The following CAMK2B variants were observed in gnomAD, a reference collection of about 807,000 sequenced individuals.
The protein encoded by CAMK2B is calcium/calmodulin-dependent protein kinase type II subunit beta.
A neutral mutation model predicts 93.7 loss-of-function variants in CAMK2B; 27 were observed. That is an observed-to-expected ratio of 0.29 (90% confidence interval 0.21 to 0.40). The LOEUF (loss-of-function observed/expected upper bound fraction) is 0.40. Ranked by LOEUF, CAMK2B falls within the 10% of genes least tolerant of loss-of-function variation. The pLI is 1.00. For missense variants in CAMK2B, 568 were observed against 895.8 expected (o/e 0.63, Z 4.67); for synonymous variants, 374 against 358.8 (o/e 1.04, Z -0.48).
At chr7:44,289,822 A>G (rs2129134384) in intron 1 of CAMK2B, among the ~76,000 whole-genome samples, 1 of 152,360 alleles carries the variant, frequency 6.6e-6, no homozygotes, top group South Asian at 2.1e-4. Context: ...TGGGCCACGC[A>G]GGATCAAAGC....
chr7:44,284,332 A>G, intron 1 of CAMK2B, 107 bp from the exon 2 acceptor site: 1 of 816,412 alleles, frequency 1.2e-6, no homozygotes, highest in Non-Finnish European at 2.0e-6. Flanking sequence ...GCATTCAGCC[A>G]CCGGCCCGGC....
At chr7:44,276,281 T>C (rs2129072063) in intron 2 of CAMK2B, among the ~76,000 whole-genome samples, 1 of 152,174 alleles carries the variant, frequency 6.6e-6, no homozygotes, top group Non-Finnish European at 1.5e-5. Flanking sequence ...TGCGGCGCCT[T>C]GTCCTCTATT....
intron 1 of CAMK2B, among the ~76,000 whole-genome samples, chr7:44,306,103 G>A (rs2115687785): frequency 6.6e-6 from 1 of 152,148 alleles, no homozygotes; most frequent in Admixed American, 6.5e-5. Context: ...AACCACCTAG[G>A]GGCTGAAATT....
chr7:44,260,228 C>T (rs1267373634), intron 3 of CAMK2B, among the ~76,000 whole-genome samples: 2 of 152,206 alleles, frequency 1.3e-5, no homozygotes, highest in African/African-American at 2.4e-5. Context: ...CATGCTCCGG[C>T]GCTGTCCCAG....
intron 1 of CAMK2B, among the ~76,000 whole-genome samples, chr7:44,317,753 T>G (rs988905309): frequency 6.6e-6 from 1 of 151,998 alleles, no homozygotes; most frequent in Admixed American, 6.6e-5. Flanking sequence ...TTGGATGGGG[T>G]GGGCGGTGGG....
chr7:44,296,632 C>T (rs1412113053), intron 1 of CAMK2B, among the ~76,000 whole-genome samples: 1 of 151,928 alleles, frequency 6.6e-6, no homozygotes, highest in Non-Finnish European at 1.5e-5. Flanking sequence ...TATATCGGGT[C>T]GTATCACATT....
At chr7:44,254,352 G>GAGGTGGCC (rs2096811893) in intron 5 of CAMK2B, among the ~76,000 whole-genome samples, 190 bp downstream of exon 5, 1 of 152,228 alleles carries the variant, frequency 6.6e-6, no homozygotes. Flanking sequence ...GCGTGGAGGG[G>GAGGTGGCC]AGGTGGCCTC....
chr7:44,257,075 G>C (rs1157570443), intron 4 of CAMK2B, among the ~76,000 whole-genome samples: 1 of 152,190 alleles, frequency 6.6e-6, no homozygotes, highest in African/African-American at 2.4e-5. Flanking sequence ...GTGTGTGTGA[G>C]ACCCTCTACT....
chr7:44,280,819 C>T (rs951678893), intron 2 of CAMK2B, among the ~76,000 whole-genome samples: 28 of 152,122 alleles, frequency 1.8e-4, no homozygotes, highest in Non-Finnish European at 3.7e-4. Flanking sequence ...CAGGTCACAG[C>T]GGCAGCGCAA....
At chr7:44,292,649 C>A (rs1197128825) in intron 1 of CAMK2B, among the ~76,000 whole-genome samples, 1 of 152,178 alleles carries the variant, frequency 6.6e-6, no homozygotes, top group African/African-American at 2.4e-5. Flanking sequence ...GTACTGTGAA[C>A]CTCCAAGAAG....
intron 2 of CAMK2B, among the ~76,000 whole-genome samples, chr7:44,278,695 C>T (rs974059734): frequency 6.6e-6 from 1 of 152,234 alleles, no homozygotes; most frequent in African/African-American, 2.4e-5. Context: ...ACGGTCTCAG[C>T]AGACCGTCCA....
intron 18 of CAMK2B, 87 bp downstream of exon 18, chr7:44,229,301 G>T: frequency 1.2e-6 from 1 of 862,908 alleles, no homozygotes; most frequent in Non-Finnish European, 1.8e-6. Context: ...TCCACGCTCA[G>T]CCTGCCCTCG....
intron 20 of CAMK2B, among the ~76,000 whole-genome samples, chr7:44,222,179 C>T (rs2096416584): frequency 6.6e-6 from 1 of 152,200 alleles, no homozygotes; most frequent in South Asian, 2.1e-4. Flanking sequence ...CTCAAACCCC[C>T]AGAAGTGCAC....
intron 1 of CAMK2B, among the ~76,000 whole-genome samples, chr7:44,308,339 T>C (rs1477737281): frequency 6.6e-6 from 1 of 152,126 alleles, no homozygotes; most frequent in Non-Finnish European, 1.5e-5. Flanking sequence ...GGATGCCAGA[T>C]AGGAAGGCCC....
rs1049250250 is a variant in CAMK2B at position 44,325,532 on chromosome 7, G to C, written c.-111C>G. 1 of 539,808 alleles carries C rather than the reference G, an allele frequency of 1.9e-6. No homozygotes were observed. Among genetic ancestry groups the C allele is most frequent in the Non-Finnish European group, 2.3e-6 (1 of 426,070 alleles). The allele number at this position is 539,808 out of a possible 1,614,324, so 33.4% of individuals were successfully genotyped here. ...CGGGCGCGGGCGCGGGAGACACCTCGGCTCGCGGCGCCAGGCGGGGGCCGG... is the reference window on the plus strand; with the variant it reads ...CGGGCGCGGGCGCGGGAGACACCTCCGCTCGCGGCGCCAGGCGGGGGCCGG... On this transcript the variant is annotated 5_prime_UTR_variant, in exon 1 of 24. Coordinates refer to ENST00000395749, the MANE Select transcript of CAMK2B (RefSeq NM_001220.5).
rs1204498799 is a variant in CAMK2B at position 44,325,506 on chromosome 7, A to ACGGGCG, written c.-91_-86dup. ...TCCCGCTCGCGGGCACGGCGGCGAC[A>ACGGGCG]CGGGCGCGGGCGCGGGAGACACCTC... On this transcript the variant is annotated 5_prime_UTR_variant, in exon 1 of 24. Coordinates refer to ENST00000395749, the MANE Select transcript of CAMK2B (RefSeq NM_001220.5). The ACGGGCG allele has an allele frequency of 7.0e-6, 6 of 860,010 alleles. No individual in the cohort carries two copies. Among genetic ancestry groups the ACGGGCG allele is most frequent in the Admixed American group, 1.3e-4 (2 of 15,786 alleles). 53.3% of individuals were successfully genotyped at this position (860,010 alleles called of 1,614,324 possible).
At position 44,264,867 on chromosome 7, in the gene CAMK2B, C is replaced by T. The variant is rs145554455; in HGVS notation, c.161-1803G>A. Among the ~76,000 whole-genome samples, 83 of 152,244 alleles carry T rather than the reference C, an allele frequency of 5.5e-4. 1 individual carries two copies. The East Asian group carries it at 0.014, about 25-fold the overall frequency. On this transcript the variant is annotated intron_variant, in intron 2 of 23. Coordinates refer to ENST00000395749, the MANE Select transcript of CAMK2B (RefSeq NM_001220.5). ...AATAGAATACACATGGTGTGGGCTC[C>T]GTTTCCCTATCTGCATGGAGCTCAA... is the stretch of plus-strand genomic sequence containing the variant.
chr7:44,246,559 GCA>G (rs1310807007), intron 6 of CAMK2B, among the ~76,000 whole-genome samples: 18 of 152,098 alleles, frequency 1.2e-4, no homozygotes, highest in Admixed American at 3.3e-4. Context: ...ACTCATGCAT[GCA>G]CAGTCCCCAC....
chr7:44,222,400 C>T (rs1306270340), intron 20 of CAMK2B, among the ~76,000 whole-genome samples: 2 of 152,114 alleles, frequency 1.3e-5, no homozygotes, highest in African/African-American at 4.8e-5. Context: ...CGGCCACATA[C>T]ATGCAACCTG....
Sources: allele counts gnomAD v4.1 joint callset (sites outside exome capture counted in the v4.1 genomes callset), GRCh38; gene constraint gnomAD v4.1.1; transcripts MANE v1.5; gene names NCBI Gene and HGNC (gene_info 2026-07-23, HGNC 2026-07-21).